Variants in POU6F2 observed in about 807,000 individuals in gnomAD.
POU6F2 encodes the protein POU class 6 homeobox 2, also known as POU domain, class 6, transcription factor 2.
A neutral mutation model predicts 71.3 loss-of-function variants in POU6F2; 31 were observed. The observed-to-expected ratio is 0.43, with a 90% CI of 0.33 to 0.59. The LOEUF (loss-of-function observed/expected upper bound fraction) is 0.59. Ranked by LOEUF, POU6F2 falls within the 20% of genes least tolerant of loss-of-function variation. The probability of loss-of-function intolerance (pLI) is 0.04; values close to 1 mark genes in which losing one functional copy is unlikely to be tolerated. For missense variants in POU6F2, 783 were observed against 856.8 expected (o/e 0.91, Z 1.07); for synonymous variants, 347 against 355.7 (o/e 0.98, Z 0.27).
At chr7:39,180,369 A>T (rs926531505) in intron 2 of POU6F2, among the ~76,000 whole-genome samples, 4 of 152,182 alleles carry the variant, frequency 2.6e-5, no homozygotes, top group African/African-American at 9.7e-5. Context: ...TTTTGAGTGG[A>T]TGCAAAGACA....
intron 6 of POU6F2, among the ~76,000 whole-genome samples, chr7:39,415,976 G>T (rs1787663727): frequency 6.6e-6 from 1 of 151,962 alleles, no homozygotes; most frequent in South Asian, 2.1e-4. Flanking sequence ...CAGAGTCCTG[G>T]TTCATTTCCT....
chr7:39,139,003 C>G (rs2128731343), intron 2 of POU6F2, among the ~76,000 whole-genome samples: 1 of 152,260 alleles, frequency 6.6e-6, no homozygotes, highest in Admixed American at 6.5e-5. Context: ...GAAACCTGTG[C>G]AGTCGCTTGG....
chr7:38,984,896 G>C lies in POU6F2; in HGVS notation c.105+6838G>C. 2 of 152,074 alleles carry C rather than the reference G, an allele frequency of 1.3e-5. 1 individual carries two copies. Among genetic ancestry groups the C allele is most frequent in the East Asian group, 3.9e-4 (2 of 5,194 alleles). The allele number at this position is 152,074 out of a possible 1,614,324, so 9.4% of individuals were successfully genotyped here. ...ACATACCTGTTAAATGGTGTTTTTAGCATTGATCAGAACTCAGGCAAATTC... is the reference window on the plus strand; with the variant it reads ...ACATACCTGTTAAATGGTGTTTTTACCATTGATCAGAACTCAGGCAAATTC... On this transcript the variant is annotated intron_variant, in intron 1 of 9. Coordinates refer to ENST00000518318, the MANE Select transcript of POU6F2 (RefSeq NM_001370959.1).
intron 4 of POU6F2, among the ~76,000 whole-genome samples, chr7:39,247,018 A>G (rs1027774276): frequency 5.6e-5 from 8 of 143,654 alleles, no homozygotes; most frequent in African/African-American, 2.1e-4. Flanking sequence ...TGGCTTTGTT[A>G]GCCTGTAACC....
At chr7:39,024,544 C>T (rs957619467) in intron 1 of POU6F2, among the ~76,000 whole-genome samples, 33 of 152,120 alleles carry the variant, frequency 2.2e-4, no homozygotes, top group African/African-American at 5.3e-4. Context: ...AACTCTATGT[C>T]GAATAGGAGT....
chr7:39,170,320 A>G (rs1004094866), intron 2 of POU6F2, among the ~76,000 whole-genome samples: 3 of 152,194 alleles, frequency 2.0e-5, no homozygotes, highest in African/African-American at 7.2e-5. Context: ...TAAAGAGAAA[A>G]AGGAAGTAAA....
intron 2 of POU6F2, among the ~76,000 whole-genome samples, chr7:39,110,089 G>A (rs113694897): frequency 0.015 from 2,307 of 152,004 alleles, 52 homozygotes; most frequent in African/African-American, 0.047. Flanking sequence ...TGGCCAACAC[G>A]GCGAAACCCC....
chr7:39,314,567 A>C (rs114937169), intron 4 of POU6F2, among the ~76,000 whole-genome samples: 2,103 of 152,340 alleles, frequency 0.014, 41 homozygotes, highest in African/African-American at 0.048. Flanking sequence ...TGTCACTCTT[A>C]TGTTCCTAAT....
chr7:39,015,991 A>ATATATTATATATTT (rs1562671057), intron 1 of POU6F2, among the ~76,000 whole-genome samples: 1 of 19,172 alleles, frequency 5.2e-5, no homozygotes, highest in East Asian at 1.1e-3. Flanking sequence ...AGATATATAT[A>ATATATTATATATTT]ATATATAGAT....
At chr7:39,449,179 T>A (rs914828271) in intron 7 of POU6F2, among the ~76,000 whole-genome samples, 29 of 152,172 alleles carry the variant, frequency 1.9e-4, no homozygotes, top group Admixed American at 2.0e-4. Flanking sequence ...CCTGGGAAGA[T>A]CCCTGCACTA....
At chr7:39,310,237 T>C (rs528711411) in intron 4 of POU6F2, among the ~76,000 whole-genome samples, 1 of 152,294 alleles carries the variant, frequency 6.6e-6, no homozygotes, top group South Asian at 2.1e-4. Flanking sequence ...GATCTGTGCA[T>C]TGAATCTAAT....
chr7:39,388,454 T>TTGGGAG (rs1554349083), intron 5 of POU6F2, among the ~76,000 whole-genome samples: 5 of 152,194 alleles, frequency 3.3e-5, no homozygotes, highest in Non-Finnish European at 5.9e-5. Flanking sequence ...TAGCTGAGAC[T>TTGGGAG]ACAGGCTCCC....
intron 1 of POU6F2, among the ~76,000 whole-genome samples, chr7:39,084,385 A>G (rs1791191817): frequency 6.6e-6 from 1 of 152,220 alleles, no homozygotes; most frequent in Admixed American, 6.5e-5. Flanking sequence ...GTGAGATTCA[A>G]TTAAGTATTA....
chr7:39,339,522 G>A, intron 4 of POU6F2, 120 bp from the exon 5 acceptor site: 1 of 1,353,514 alleles, frequency 7.4e-7, no homozygotes, highest in Non-Finnish European at 9.8e-7. Flanking sequence ...GAGCTTCAGG[G>A]GGCAAGGACA....
intron 4 of POU6F2, among the ~76,000 whole-genome samples, chr7:39,256,290 G>T (rs1784020670): frequency 1.3e-5 from 2 of 152,180 alleles, no homozygotes; most frequent in Admixed American, 1.3e-4. Context: ...GGTGGAATCT[G>T]GTGGGGCAAA....
At chr7:39,389,426 A>T (rs891167297) in intron 5 of POU6F2, among the ~76,000 whole-genome samples, 1 of 152,204 alleles carries the variant, frequency 6.6e-6, no homozygotes, top group Non-Finnish European at 1.5e-5. Context: ...CAGAAACTGG[A>T]TATAAACTTC....
At chr7:39,051,346 A>G (rs1790396453) in intron 1 of POU6F2, among the ~76,000 whole-genome samples, 1 of 152,034 alleles carries the variant, frequency 6.6e-6, no homozygotes, top group Non-Finnish European at 1.5e-5. Flanking sequence ...GCTAGTTTTC[A>G]TGTGTCTTTT....
At chr7:39,339,082 TAA>T (rs1554344614) in intron 4 of POU6F2, among the ~76,000 whole-genome samples, 1,927 of 144,030 alleles carry the variant, frequency 0.013, 33 homozygotes, top group African/African-American at 0.038. Context: ...TTTGAATTTT[TAA>T]AAAAAAAAAA....
intron 4 of POU6F2, among the ~76,000 whole-genome samples, chr7:39,280,180 C>T (rs938401487): frequency 1.3e-5 from 2 of 152,148 alleles, no homozygotes; most frequent in Non-Finnish European, 2.9e-5. Flanking sequence ...GTCAAGACTT[C>T]GACATATCTT....
Sources: allele counts gnomAD v4.1 joint callset (sites outside exome capture counted in the v4.1 genomes callset), GRCh38; gene constraint gnomAD v4.1.1; transcripts MANE v1.5; gene names NCBI Gene and HGNC (gene_info 2026-07-23, HGNC 2026-07-21).